KAZN: variants seen among roughly 807,000 people sequenced by gnomAD.
The protein encoded by KAZN is kazrin.
Under a neutral mutation model 87.4 loss-of-function variants are expected in KAZN, and 40 were observed. That is an observed-to-expected ratio of 0.46 (90% CI 0.36 to 0.60). The LOEUF is 0.60. KAZN is among the 20% of genes least tolerant of loss of function. The pLI is 0.00. For synonymous variants in KAZN, 466 were observed against 458.3 expected, an observed-to-expected ratio of 1.02 and a Z score of -0.22; for missense variants, 898 against 1,073.9, an observed-to-expected ratio of 0.84 and a Z score of 2.29.
At chr1:13,935,493 A>G (rs1257668349) in intron 1 of KAZN, among the ~76,000 whole-genome samples, 1 of 152,182 alleles carries the variant, frequency 6.6e-6, no homozygotes, top group Non-Finnish European at 1.5e-5. Flanking sequence ...CCTACTTAAC[A>G]GAACGTTGGC....
At chr1:15,110,695 C>A (rs751356049) in intron 13 of KAZN, among the ~76,000 whole-genome samples, 21 of 152,240 alleles carry the variant, frequency 1.4e-4, no homozygotes, top group Non-Finnish European at 2.6e-4. Flanking sequence ...GTGGAGCCCA[C>A]ACGTGCGACC....
intron 1 of KAZN, among the ~76,000 whole-genome samples, chr1:14,734,427 C>A (rs1643826462): frequency 6.6e-6 from 1 of 151,510 alleles, no homozygotes; most frequent in African/African-American, 2.4e-5. Context: ...CCTCAGCTTC[C>A]TAAGTAGCTG....
chr1:14,950,006 C>G (rs1442156356), intron 1 of KAZN, among the ~76,000 whole-genome samples: 1 of 152,046 alleles, frequency 6.6e-6, no homozygotes, highest in African/African-American at 2.4e-5. Context: ...GGTTTCAACA[C>G]CACCTAACGG....
intron 2 of KAZN, among the ~76,000 whole-genome samples, chr1:14,514,624 TATATA>T (rs1671205155): frequency 2.7e-5 from 2 of 74,366 alleles, no homozygotes; most frequent in Non-Finnish European, 5.3e-5. Flanking sequence ...TATATATATA[TATATA>T]TATATATATA....
At chr1:14,289,876 G>T (rs1343912504) in intron 2 of KAZN, among the ~76,000 whole-genome samples, 2 of 152,186 alleles carry the variant, frequency 1.3e-5, no homozygotes, top group East Asian at 3.9e-4. Flanking sequence ...GGCAGGCCCG[G>T]TGGTGACAAA....
At chr1:14,530,350 A>T (rs1230344096) in intron 2 of KAZN, among the ~76,000 whole-genome samples, 1 of 152,224 alleles carries the variant, frequency 6.6e-6, no homozygotes, top group East Asian at 1.9e-4. Flanking sequence ...CGTCTCTGCC[A>T]TCAGTGGACT....
intron 1 of KAZN, among the ~76,000 whole-genome samples, chr1:14,611,160 T>C (rs1677788082): frequency 6.6e-6 from 1 of 152,170 alleles, no homozygotes; most frequent in Non-Finnish European, 1.5e-5. Context: ...ATCAACCCAG[T>C]GGTCTCTGCA....
intron 1 of KAZN, among the ~76,000 whole-genome samples, chr1:14,841,405 CAAAAAAAAAAAAAAAAAAAAA>C (rs57248871): frequency 9.0e-5 from 8 of 88,868 alleles, no homozygotes; most frequent in East Asian, 3.2e-4. Flanking sequence ...GACTCCGTCT[CAAAAAAAAAAAAAAAAAAAAA>C]AAAAAAAAAA....
chr1:14,063,039 T>G (rs2101524761), intron 1 of KAZN, among the ~76,000 whole-genome samples: 1 of 152,346 alleles, frequency 6.6e-6, no homozygotes, highest in South Asian at 2.1e-4. Context: ...ATCGTTGTTA[T>G]TATTTTGCTT....
intron 2 of KAZN, among the ~76,000 whole-genome samples, chr1:14,479,208 A>G (rs1167901900): frequency 6.6e-6 from 1 of 152,224 alleles, no homozygotes; most frequent in Non-Finnish European, 1.5e-5. Context: ...ACAGAAAGGG[A>G]CACACAGTCC....
At chr1:13,996,730 G>T (rs1209959318) in intron 1 of KAZN, among the ~76,000 whole-genome samples, 1 of 152,224 alleles carries the variant, frequency 6.6e-6, no homozygotes, top group Admixed American at 6.5e-5. Context: ...AGAGGGAGGG[G>T]TGGCCACAGT....
At chr1:14,300,577 CA>C (rs1169131093) in intron 2 of KAZN, among the ~76,000 whole-genome samples, 1 of 152,132 alleles carries the variant, frequency 6.6e-6, no homozygotes, top group African/African-American at 2.4e-5. Flanking sequence ...AACATACTTT[CA>C]AAAGGTCCCT....
rs565915898 is a variant in KAZN at position 14,297,572 on chromosome 1, T to C, written c.249+116980T>C. Among the ~76,000 whole-genome samples the C allele has an allele frequency of 2.0e-5, 3 of 151,826 alleles. No homozygotes were observed. The East Asian group carries it at 5.9e-4, about 30-fold the overall frequency. ...CCCACACCTGCCCCCTGCAAGATCC[T>C]TTACATTTTCCCTGCTGGGACTCTG... On this transcript the variant is annotated intron_variant, in intron 2 of 16. Transcript: ENST00000636203.
At chr1:14,615,688 G>A (rs1169580601) in intron 1 of KAZN, among the ~76,000 whole-genome samples, 1 of 151,770 alleles carries the variant, frequency 6.6e-6, no homozygotes, top group African/African-American at 2.4e-5. Context: ...TGAGGCTTGT[G>A]GTTCCAATCG....
At chr1:14,876,381 C>A (rs1296796475) in intron 1 of KAZN, among the ~76,000 whole-genome samples, 2 of 152,226 alleles carry the variant, frequency 1.3e-5, no homozygotes, top group Admixed American at 6.5e-5. Flanking sequence ...AGGAAAGGAA[C>A]TCTAGGCAGG....
intron 2 of KAZN, among the ~76,000 whole-genome samples, chr1:14,570,120 T>C (rs1674775360): frequency 6.6e-6 from 1 of 151,882 alleles, no homozygotes; most frequent in African/African-American, 2.4e-5. Flanking sequence ...CTCAAAAAAA[T>C]TAATAATAAA....
intron 1 of KAZN, among the ~76,000 whole-genome samples, chr1:14,114,050 A>T (rs1446551906): frequency 6.6e-6 from 1 of 152,192 alleles, no homozygotes; most frequent in African/African-American, 2.4e-5. Context: ...TCACAGCTCA[A>T]TGAGTCCTCC....
At chr1:14,319,647 C>G (rs1364678150) in intron 2 of KAZN, among the ~76,000 whole-genome samples, 1 of 152,162 alleles carries the variant, frequency 6.6e-6, no homozygotes, top group African/African-American at 2.4e-5. Flanking sequence ...CCTCCCTTCT[C>G]GACAGCCTGC....
chr1:13,893,702 G>A (rs975042006), exon 1 of KAZN: 3 of 1,550,336 alleles, frequency 1.9e-6, no homozygotes, highest in Non-Finnish European at 2.6e-6. Context: ...TTCTGCCACA[G>A]GCCCCGTCAC....
Sources: allele counts gnomAD v4.1 joint callset (sites outside exome capture counted in the v4.1 genomes callset), GRCh38; gene constraint gnomAD v4.1.1; transcripts MANE v1.5; gene names NCBI Gene and HGNC (gene_info 2026-07-23, HGNC 2026-07-21).